Variants in RADIL observed in about 807,000 individuals in gnomAD.
RADIL encodes the protein Rap associating with DIL domain, also known as ras-associating and dilute domain-containing protein.
In RADIL, 99 loss-of-function variants were observed where a neutral mutation model predicts 97.6. The ratio of observed to expected loss-of-function variants is 1.01; its 90% CI spans 0.86 to 1.20. RADIL has a LOEUF of 1.20. Among genes scored for constraint, RADIL ranks in the 50% most tolerant of loss-of-function variants. RADIL has a pLI of 0.00. For missense variants in RADIL, 1,765 were observed against 1,498.9 expected (o/e 1.18, Z -2.93); for synonymous variants, 803 against 691.8 (o/e 1.16, Z -2.52).
intron 13 of RADIL, among the ~76,000 whole-genome samples, 160 bp downstream of exon 13, chr7:4,800,011 A>G (rs1782026380): frequency 6.6e-6 from 1 of 152,156 alleles, no homozygotes; most frequent in Non-Finnish European, 1.5e-5. Flanking sequence ...TGGCCGTTGG[A>G]CAGGCTGGGT....
chr7:4,859,955 C>A lies in RADIL; in HGVS notation c.535+17650G>T, dbSNP rs182834999. On this transcript the variant is annotated intron_variant, in intron 2 of 14. Transcript: ENST00000399583. ...CTGAAGGTCTGGATGGCTTATGAGA[C>A]ATGTTGAAGAAACAACTCTGGCGAC... 3.7e-6 allele frequency: 6 copies of A among 1,613,978 alleles called. No individual in the cohort carries two copies. The East Asian group carries it at 1.3e-4, about 36-fold the overall frequency.
chr7:4,848,910 G>A (rs936044698), intron 2 of RADIL, among the ~76,000 whole-genome samples: 1 of 152,038 alleles, frequency 6.6e-6, no homozygotes, highest in African/African-American at 2.4e-5. Flanking sequence ...AGGCCGAGGC[G>A]GGCAGATCAC....
intron 9 of RADIL, among the ~76,000 whole-genome samples, chr7:4,812,349 G>A (rs555230163): frequency 1.4e-4 from 22 of 152,198 alleles, no homozygotes; most frequent in African/African-American, 5.3e-4. Context: ...TTTTTACTGT[G>A]GAATCTGAGT....
rs776171030 is a variant in RADIL at position 4,845,965 on chromosome 7, CG to C, written c.536-9361del. On this transcript the variant is annotated intron_variant, in intron 2 of 14. Coordinates refer to ENST00000399583, the MANE Select transcript of RADIL (RefSeq NM_018059.5). ...TTACCCCGGGAAGCTGTGAGCCCTT[CG>C]TTAGAGAGGGTCACGGTGACCAGCG... is the stretch of plus-strand genomic sequence containing the variant. Among the ~76,000 whole-genome samples, 332 of 152,158 alleles carry C rather than the reference CG, an allele frequency of 2.2e-3. 1 individual carries two copies. Among genetic ancestry groups the C allele is most frequent in the Non-Finnish European group, 3.6e-3 (245 of 67,996 alleles).
chr7:4,850,637 G>A (rs1783686500), intron 2 of RADIL, among the ~76,000 whole-genome samples: 1 of 152,146 alleles, frequency 6.6e-6, no homozygotes, highest in South Asian at 2.1e-4. Flanking sequence ...AGCTGAGAGT[G>A]GTCCACGGCT....
At position 4,859,944 on chromosome 7, in the gene RADIL, G is replaced by A. The variant is rs190364127; in HGVS notation, c.535+17661C>T. The A allele has an allele frequency of 3.4e-4, 546 of 1,613,868 alleles. 3 individuals are homozygous for A. The African/African-American group carries it at 6.6e-3, about 20-fold the overall frequency. On this transcript the variant is annotated intron_variant, in intron 2 of 14. Transcript: ENST00000399583. ...TGCTGAGTTTCCTGAAGGTCTGGAT[G>A]GCTTATGAGACATGTTGAAGAAACA...
In RADIL at chr7:4,840,697, G is replaced by A. The variant is rs1326348251; in HGVS notation, c.536-4092C>T. Among the ~76,000 whole-genome samples, 4 of 152,164 alleles carry A rather than the reference G, an allele frequency of 2.6e-5. No homozygotes were observed. The highest frequency in any genetic ancestry group is 7.2e-5 in the African/African-American group (3 of 41,440). On this transcript the variant is annotated intron_variant, in intron 2 of 14. Transcript: ENST00000399583. The surrounding 1 kb of genome is among the most constrained non-coding windows in gnomAD (Gnocchi z 5.6). Reference sequence around the variant, plus strand: ...GAAACCACTATTTCTGGCCGGGCGCGGTGGCTCACGCCTGTAATCCCAGCA... The same window carrying A: ...GAAACCACTATTTCTGGCCGGGCGCAGTGGCTCACGCCTGTAATCCCAGCA...
rs1056267707 is a variant in RADIL, at chr7:4,822,174, G to A, written c.1615+220C>T. 3.9e-5 allele frequency among the ~76,000 whole-genome samples: 6 copies of A among 152,128 alleles called. No individual in the cohort carries two copies. The highest frequency in any genetic ancestry group is 1.4e-4 in the African/African-American group (6 of 41,430). ...TGATGGGGACAGACTGAGTGCCAAG[G>A]TGCTGTGGGGGGAGGTGCCAGACTG... On this transcript the variant is annotated intron_variant, in intron 6 of 14. Transcript: ENST00000399583. This position sits in a 1 kb window ranked among gnomAD's most constrained non-coding sequence, Gnocchi z 5.3.
intron 2 of RADIL, among the ~76,000 whole-genome samples, 164 bp from the exon 3 acceptor site, chr7:4,836,769 T>C (rs1462787095): frequency 1.3e-5 from 2 of 151,896 alleles, no homozygotes; most frequent in Non-Finnish European, 1.5e-5. Context: ...GAAACCCCAT[T>C]TCTACTAAAA....
rs941153866 is a variant in RADIL, at chr7:4,873,602, G to A, written c.535+4003C>T. Among the ~76,000 whole-genome samples the A allele has an allele frequency of 1.8e-4, 27 of 152,282 alleles. No homozygotes were observed. The highest frequency in any genetic ancestry group is 4.1e-4 in the South Asian group (2 of 4,826). Reference sequence around the variant, plus strand: ...GCAGATGTGATCCTGCCATCCCGCCGTCCTTTTGAAACTACACCACCCACT... The same window carrying A: ...GCAGATGTGATCCTGCCATCCCGCCATCCTTTTGAAACTACACCACCCACT... On this transcript the variant is annotated intron_variant, in intron 2 of 14. Transcript: ENST00000399583. This position sits in a 1 kb window ranked among gnomAD's most constrained non-coding sequence, Gnocchi z 4.3.
intron 2 of RADIL, among the ~76,000 whole-genome samples, chr7:4,871,425 C>T (rs996949084): frequency 6.6e-6 from 1 of 152,240 alleles, no homozygotes; most frequent in Non-Finnish European, 1.5e-5. Context: ...CCCTGCGGCC[C>T]GCACACCCCT....
At chr7:4,855,095 G>A (rs895574975) in intron 2 of RADIL, among the ~76,000 whole-genome samples, 38 of 152,270 alleles carry the variant, frequency 2.5e-4, no homozygotes, top group Admixed American at 2.0e-3. Context: ...TAACACTGAC[G>A]CAGGCAGCTA....
Position 4,815,408 on chromosome 7 carries a change from G to A in RADIL, c.2009C>T (p.Ala670Val), listed in dbSNP as rs1317100534. 1 of 1,562,280 alleles carries A rather than the reference G, an allele frequency of 6.4e-7. No homozygotes were observed. The highest frequency in any genetic ancestry group is 1.9e-5 in the Admixed American group (1 of 51,696). The change falls in exon 9 of 15, where the codon GCC becomes GTC. Residue 670 changes from alanine to valine, a missense_variant. Coordinates refer to ENST00000399583, the MANE Select transcript of RADIL (RefSeq NM_018059.5). The surrounding 1 kb of genome is among the most constrained non-coding windows in gnomAD (Gnocchi z 8.0). Reference sequence around the variant, plus strand: ...CAGGAGCTGCTGCAGGCGGGCGCAGGCCTGGACACCTCTGGGCCAGTGGAA... The same window carrying A: ...CAGGAGCTGCTGCAGGCGGGCGCAGACCTGGACACCTCTGGGCCAGTGGAA... The part of the protein sequence containing the change: ...SCFHWPRGVQ[A>V]CARLQQLLEW...
intron 10 of RADIL, 49 bp downstream of exon 10, chr7:4,805,517 A>T: frequency 6.7e-7 from 1 of 1,500,996 alleles, no homozygotes; most frequent in South Asian, 1.3e-5. Context: ...CCTCGGGGCG[A>T]GTCTCCCACT....
chr7:4,844,653 G>C (rs147646096), intron 2 of RADIL, among the ~76,000 whole-genome samples: 3,052 of 152,152 alleles, frequency 0.02, 48 homozygotes, highest in Middle Eastern at 0.031. Context: ...ACCCAGGCTG[G>C]AGTGCAATGG....
intron 5 of RADIL, among the ~76,000 whole-genome samples, chr7:4,831,920 C>T (rs913727341): frequency 6.6e-6 from 1 of 152,112 alleles, no homozygotes; most frequent in Non-Finnish European, 1.5e-5. Flanking sequence ...GAAGACCTCA[C>T]CCATCCAGTC....
chr7:4,853,466 G>A (rs1028942710), intron 2 of RADIL, among the ~76,000 whole-genome samples: 3 of 152,076 alleles, frequency 2.0e-5, no homozygotes, highest in Non-Finnish European at 4.4e-5. Flanking sequence ...GGGTAGGCCG[G>A]GCATGTTGGC....
chr7:4,809,740 T>A (rs935621692), intron 9 of RADIL: 1 of 650,362 alleles, frequency 1.5e-6, no homozygotes, highest in Non-Finnish European at 1.9e-6. Context: ...CGGAGTGCAG[T>A]GGCGTGATCT....
chr7:4,832,258 G>T, intron 4 of RADIL, 80 bp from the exon 5 acceptor site: 3 of 1,406,958 alleles, frequency 2.1e-6, no homozygotes, highest in Admixed American at 1.9e-5. Context: ...CGATACCATC[G>T]ACAGGAAAAC....
Sources: allele counts gnomAD v4.1 joint callset (sites outside exome capture counted in the v4.1 genomes callset), GRCh38; gene constraint gnomAD v4.1.1; non-coding constraint Gnocchi (gnomAD v3.1); transcripts MANE v1.5; gene names NCBI Gene and HGNC (gene_info 2026-07-23, HGNC 2026-07-21).